ROBO1: variants seen among roughly 807,000 people sequenced by gnomAD.
ROBO1 encodes roundabout homolog 1.
ROBO1 carries 149 observed loss-of-function variants against 195.9 expected under a neutral mutation model. The observed-to-expected ratio is 0.76, with a 90% CI of 0.67 to 0.87. ROBO1 has a LOEUF of 0.87. Among genes scored for constraint, ROBO1 ranks in the 40% least tolerant of loss-of-function variants. ROBO1 has a pLI of 0.00. For missense variants in ROBO1, 1,933 were observed against 2,068.3 expected (o/e 0.93, Z 1.27); for synonymous variants, 816 against 733.2 (o/e 1.11, Z -1.82).
chr3:78,601,237 C>G (rs534542764), intron 29 of ROBO1, among the ~76,000 whole-genome samples: 2 of 152,304 alleles, frequency 1.3e-5, no homozygotes, highest in South Asian at 4.1e-4. Context: ...CGCTGACGTT[C>G]TCTGTAGTGG....
chr3:79,651,494 T>C (rs1946006783), intron 1 of ROBO1, among the ~76,000 whole-genome samples: 1 of 152,246 alleles, frequency 6.6e-6, no homozygotes, highest in African/African-American at 2.4e-5. Context: ...ATAAATATAG[T>C]TGTTCAAATT....
intron 10 of ROBO1, among the ~76,000 whole-genome samples, chr3:78,680,240 C>A (rs1172728909): frequency 1.3e-5 from 2 of 152,116 alleles, no homozygotes; most frequent in African/African-American, 2.4e-5. Context: ...TAGAAGAAAA[C>A]CTAGGCATTA....
At chr3:79,156,576 T>C (rs1361039728) in intron 2 of ROBO1, among the ~76,000 whole-genome samples, 2 of 151,830 alleles carry the variant, frequency 1.3e-5, no homozygotes, top group Non-Finnish European at 2.9e-5. Flanking sequence ...AGTTTGGTTA[T>C]GGGGTAGACA....
Position 79,189,196 on chromosome 3 carries a change from C to G in ROBO1, c.89-63657G>C, listed in dbSNP as rs552260543. ...ATTGAAAAATGCATTTATGAACACTCATCTATTAACATCAGGAATACAGTT... is the reference window on the plus strand; with the variant it reads ...ATTGAAAAATGCATTTATGAACACTGATCTATTAACATCAGGAATACAGTT... On this transcript the variant is annotated intron_variant, in intron 2 of 30. Transcript: ENST00000464233. Among the ~76,000 whole-genome samples the G allele has an allele frequency of 2.6e-5, 4 of 151,824 alleles. No individual in the cohort carries two copies. In the South Asian group the frequency reaches 6.2e-4, roughly 24 times the overall value.
chr3:79,638,579 CT>C (rs1945565512), intron 1 of ROBO1, among the ~76,000 whole-genome samples: 1 of 151,994 alleles, frequency 6.6e-6, no homozygotes, highest in African/African-American at 2.4e-5. Context: ...CGTGCCCAGC[CT>C]TAATGGTCTG....
At chr3:78,740,615 GC>G (rs953623886) in intron 5 of ROBO1, among the ~76,000 whole-genome samples, 1 of 151,918 alleles carries the variant, frequency 6.6e-6, no homozygotes, top group Non-Finnish European at 1.5e-5. Flanking sequence ...GGGATTACAG[GC>G]ATGCACCATG....
At chr3:78,680,840 A>C (rs1264098968) in intron 10 of ROBO1, among the ~76,000 whole-genome samples, 17 of 148,328 alleles carry the variant, frequency 1.1e-4, no homozygotes, top group East Asian at 9.8e-4. Context: ...TGGGTATATA[A>C]CCAAAGGACT....
chr3:79,292,313 C>T (rs2032300309), intron 2 of ROBO1, among the ~76,000 whole-genome samples: 1 of 152,184 alleles, frequency 6.6e-6, no homozygotes, highest in South Asian at 2.1e-4. Context: ...ACAATCATGT[C>T]ATCTGCAAAC....
At chr3:78,861,941 A>G (rs899792611) in intron 4 of ROBO1, among the ~76,000 whole-genome samples, 4 of 152,228 alleles carry the variant, frequency 2.6e-5, no homozygotes, top group African/African-American at 9.6e-5. Flanking sequence ...TAGATTTACA[A>G]CAACCTAAGG....
chr3:78,741,494 T>A (rs2082533299), intron 5 of ROBO1, among the ~76,000 whole-genome samples: 1 of 152,206 alleles, frequency 6.6e-6, no homozygotes, highest in Admixed American at 6.5e-5. Context: ...AAGGCAATTT[T>A]AGTTTTTAGA....
At chr3:79,011,868 A>C (rs1559589390) in intron 3 of ROBO1, among the ~76,000 whole-genome samples, 1 of 152,052 alleles carries the variant, frequency 6.6e-6, no homozygotes, top group African/African-American at 2.4e-5. Context: ...CTAGTCATAC[A>C]TAACAATTTT....
intron 1 of ROBO1, among the ~76,000 whole-genome samples, chr3:79,592,223 A>G (rs1238997627): frequency 6.6e-6 from 1 of 151,968 alleles, no homozygotes; most frequent in East Asian, 1.9e-4. Flanking sequence ...TTTCACCTTA[A>G]AAAGAATGCA....
intron 1 of ROBO1, among the ~76,000 whole-genome samples, chr3:79,759,418 C>A (rs913376099): frequency 6.6e-6 from 1 of 152,176 alleles, no homozygotes; most frequent in Non-Finnish European, 1.5e-5. Flanking sequence ...AGTCATGCAA[C>A]AGTCGTACAG....
At chr3:78,916,421 G>A (rs1351393133) in intron 4 of ROBO1, among the ~76,000 whole-genome samples, 2 of 150,216 alleles carry the variant, frequency 1.3e-5, no homozygotes, top group Non-Finnish European at 3.0e-5. Context: ...GTGTGGGGGC[G>A]GGTGCCTGTA....
intron 4 of ROBO1, among the ~76,000 whole-genome samples, chr3:78,848,359 A>T (rs983717678): frequency 6.6e-6 from 1 of 152,166 alleles, no homozygotes; most frequent in African/African-American, 2.4e-5. Context: ...CATTCAGTCA[A>T]TCATTCATTC....
At chr3:79,379,297 G>A (rs931753043) in intron 2 of ROBO1, among the ~76,000 whole-genome samples, 2 of 152,170 alleles carry the variant, frequency 1.3e-5, no homozygotes, top group African/African-American at 2.4e-5. Context: ...ACGGCCAGCA[G>A]AGTGTAGTTC....
intron 1 of ROBO1, among the ~76,000 whole-genome samples, chr3:79,594,992 G>A (rs1360499376): frequency 2.0e-5 from 3 of 151,862 alleles, no homozygotes; most frequent in Non-Finnish European, 2.9e-5. Flanking sequence ...TAAGGGTGTA[G>A]TTCAATTTTG....
rs188331125 is a variant in ROBO1, at chr3:79,725,974, C to T, written c.-51+41778G>A. Among the ~76,000 whole-genome samples the T allele has an allele frequency of 2.0e-5, 3 of 151,966 alleles. No individual in the cohort carries two copies. In the East Asian group the frequency reaches 5.8e-4, roughly 29 times the overall value. On this transcript the variant is annotated intron_variant, in intron 1 of 30. Coordinates refer to ENST00000464233, the MANE Select transcript of ROBO1 (RefSeq NM_002941.4). The stretch of plus-strand genomic sequence containing the variant: ...GTTTGATCTTAACCCTAAGTTGTAG[C>T]TCTGGAACTTTAAGAGAATCTCAAG...
chr3:79,599,589 A>T (rs1050903218), intron 1 of ROBO1, among the ~76,000 whole-genome samples: 6 of 151,948 alleles, frequency 3.9e-5, no homozygotes, highest in Admixed American at 3.9e-4. Flanking sequence ...GGCAAATCAA[A>T]CTTACAAATC....
Sources: allele counts gnomAD v4.1 joint callset (sites outside exome capture counted in the v4.1 genomes callset), GRCh38; gene constraint gnomAD v4.1.1; transcripts MANE v1.5; gene names NCBI Gene and HGNC (gene_info 2026-07-23, HGNC 2026-07-21).